Variants in STAG1 observed in about 807,000 individuals in gnomAD.
STAG1 encodes cohesin subunit SA-1.
STAG1 carries 26 observed loss-of-function variants against 170.9 expected under a neutral mutation model. The ratio of observed to expected loss-of-function variants is 0.15; its 90% CI spans 0.11 to 0.21. STAG1 has a LOEUF of 0.21. Among genes scored for constraint, STAG1 ranks in the 10% least tolerant of loss-of-function variants. The pLI is 1.00. For synonymous variants in STAG1, 514 were observed against 497.7 expected, an observed-to-expected ratio of 1.03 and a Z score of -0.44; for missense variants, 964 against 1,509.5, an observed-to-expected ratio of 0.64 and a Z score of 5.99.
At chr3:136,707,752 G>A (rs546079435) in intron 1 of STAG1, among the ~76,000 whole-genome samples, 7 of 152,188 alleles carry the variant, frequency 4.6e-5, no homozygotes, top group Admixed American at 2.6e-4. Context: ...CACTCTTGCC[G>A]GAATTAATCC....
In STAG1 at chr3:136,442,798, G is replaced by T. The variant is rs866360162; in HGVS notation, c.1546+489C>A. 3.3e-5 allele frequency among the ~76,000 whole-genome samples: 5 copies of T among 152,238 alleles called. No individual in the cohort carries two copies. In the Middle Eastern group the frequency reaches 0.01, roughly 311 times the overall value. ...CTCATGCCTGTAATCCTAGCACTTT[G>T]GAGGGCTAAGGCAGGAAGATTACTT... is the stretch of plus-strand genomic sequence containing the variant. On this transcript the variant is annotated intron_variant, in intron 15 of 33. Transcript: ENST00000383202.
intron 4 of STAG1, among the ~76,000 whole-genome samples, chr3:136,597,008 G>A (rs1938455911): frequency 6.6e-6 from 1 of 152,204 alleles, no homozygotes; most frequent in African/African-American, 2.4e-5. Flanking sequence ...CTGGGAGGCA[G>A]TGGTTACAGT....
At chr3:136,639,187 A>AG (rs1218039684) in intron 1 of STAG1, among the ~76,000 whole-genome samples, 1 of 137,244 alleles carries the variant, frequency 7.3e-6, no homozygotes, top group East Asian at 2.0e-4. Flanking sequence ...AGAAAAAAGA[A>AG]AAGAAAAAAA....
chr3:136,747,312 G>T (rs1323865575), intron 1 of STAG1, among the ~76,000 whole-genome samples: 1 of 150,258 alleles, frequency 6.7e-6, no homozygotes, highest in East Asian at 2.0e-4. Flanking sequence ...AAAGCTGCTA[G>T]ACCAATCACA....
At chr3:136,528,655 T>C (rs1461479376) in intron 6 of STAG1, among the ~76,000 whole-genome samples, 3 of 151,870 alleles carry the variant, frequency 2.0e-5, no homozygotes, top group Non-Finnish European at 4.4e-5. Flanking sequence ...ATAGATATCA[T>C]TAAAAGGAAC....
At chr3:136,497,591 A>G (rs1379335961) in intron 9 of STAG1, among the ~76,000 whole-genome samples, 1 of 152,184 alleles carries the variant, frequency 6.6e-6, no homozygotes, top group Non-Finnish European at 1.5e-5. Context: ...CTGTAACCCC[A>G]GCACTTTGGG....
At chr3:136,751,196 G>C (rs1006232914) in intron 1 of STAG1, among the ~76,000 whole-genome samples, 2 of 69,200 alleles carry the variant, frequency 2.9e-5, no homozygotes, top group South Asian at 4.4e-4. Context: ...TTTTTTTTTT[G>C]TCTGTAAGTG....
At chr3:136,560,074 C>T (rs1431813298) in intron 5 of STAG1, among the ~76,000 whole-genome samples, 1 of 152,122 alleles carries the variant, frequency 6.6e-6, no homozygotes, top group Admixed American at 6.5e-5. Flanking sequence ...AATTAGCCAG[C>T]GAACTGGGTT....
intron 28 of STAG1, among the ~76,000 whole-genome samples, chr3:136,350,254 A>G (rs1034312122): frequency 1.3e-5 from 2 of 152,196 alleles, no homozygotes; most frequent in Admixed American, 6.5e-5. Context: ...ACAGCTCTAT[A>G]TTTTAGAAAC....
At chr3:136,596,973 G>T (rs1428370026) in intron 4 of STAG1, among the ~76,000 whole-genome samples, 1 of 151,170 alleles carries the variant, frequency 6.6e-6, no homozygotes, top group Non-Finnish European at 1.5e-5. Context: ...TACTTAGGAG[G>T]CTGAGGCACA....
At chr3:136,407,989 C>T (rs564377532) in intron 21 of STAG1, among the ~76,000 whole-genome samples, 27 of 151,734 alleles carry the variant, frequency 1.8e-4, no homozygotes, top group Admixed American at 5.3e-4. Flanking sequence ...TCTAGTTTTC[C>T]ACTGAGAAAG....
chr3:136,616,811 T>C (rs1939620438), intron 3 of STAG1, among the ~76,000 whole-genome samples: 1 of 152,150 alleles, frequency 6.6e-6, no homozygotes, highest in Non-Finnish European at 1.5e-5. Flanking sequence ...GGAGAATCAC[T>C]TGAACCTGGG....
At chr3:136,663,545 C>T (rs922301143) in intron 1 of STAG1, among the ~76,000 whole-genome samples, 6 of 152,110 alleles carry the variant, frequency 3.9e-5, no homozygotes, top group African/African-American at 1.4e-4. Flanking sequence ...TTCAGACAAG[C>T]AATCATGTTT....
chr3:136,673,469 A>C (rs1942037199), intron 1 of STAG1, among the ~76,000 whole-genome samples: 1 of 152,194 alleles, frequency 6.6e-6, no homozygotes, highest in African/African-American at 2.4e-5. Flanking sequence ...GTAAGATCCA[A>C]AAGGAGCTTC....
intron 21 of STAG1, 36 bp from the exon 22 acceptor site, chr3:136,398,865 A>G: frequency 7.6e-7 from 1 of 1,313,768 alleles, no homozygotes; most frequent in Non-Finnish European, 1.0e-6. Flanking sequence ...TTAATGAAAA[A>G]TTCAAAAAAA....
chr3:136,433,459 T>C, intron 16 of STAG1, 97 bp downstream of exon 16: 1 of 836,488 alleles, frequency 1.2e-6, no homozygotes, highest in Non-Finnish European at 1.9e-6. Flanking sequence ...AAACACCATG[T>C]TTTTAGGGAT....
intron 4 of STAG1, among the ~76,000 whole-genome samples, chr3:136,600,233 T>C (rs889815202): frequency 6.6e-6 from 1 of 152,210 alleles, no homozygotes; most frequent in Non-Finnish European, 1.5e-5. Context: ...CAAGGGTAAC[T>C]TGAGATACAC....
At chr3:136,624,297 T>A (rs1360466428) in intron 2 of STAG1, among the ~76,000 whole-genome samples, 1 of 152,026 alleles carries the variant, frequency 6.6e-6, no homozygotes, top group Non-Finnish European at 1.5e-5. Flanking sequence ...AGATGGGGTT[T>A]CACCGTGTTA....
chr3:136,484,151 C>T (rs1456347814), intron 9 of STAG1, among the ~76,000 whole-genome samples: 14 of 146,972 alleles, frequency 9.5e-5, no homozygotes, highest in African/African-American at 2.5e-4. Context: ...GGAGGAGAGG[C>T]GCTCTGCGTT....
Sources: gnomAD v4.1 joint callset for allele counts (sites outside exome capture counted in the v4.1 genomes callset) on GRCh38, gnomAD v4.1.1 for gene constraint, MANE v1.5 for transcripts, NCBI Gene and HGNC (gene_info 2026-07-23, HGNC 2026-07-21) for gene names.